Variants in OLFM2 observed in about 807,000 individuals in gnomAD.
OLFM2 encodes olfactomedin 2, also known as noelin-2.
In OLFM2, 20 loss-of-function variants were observed where a neutral mutation model predicts 43.9. That is an observed-to-expected ratio of 0.46 (90% confidence interval 0.32 to 0.66). OLFM2 has a LOEUF of 0.66. Ranked by LOEUF, OLFM2 falls within the 30% of genes least tolerant of loss-of-function variation. OLFM2 has a pLI of 0.04. For synonymous variants in OLFM2, 268 were observed against 278.6 expected (o/e 0.96, Z 0.38); for missense variants, 416 against 643.6 (o/e 0.65, Z 3.83).
At chr19:9,933,124 C>T (rs1290624692) in intron 1 of OLFM2, among the ~76,000 whole-genome samples, 1 of 152,212 alleles carries the variant, frequency 6.6e-6, no homozygotes, top group African/African-American at 2.4e-5. Context: ...GCTCTTCCCC[C>T]AGACACCCAC....
At chr19:9,890,012 G>T (rs375374302) in intron 1 of OLFM2, among the ~76,000 whole-genome samples, 23 of 152,046 alleles carry the variant, frequency 1.5e-4, no homozygotes, top group African/African-American at 5.5e-4. Flanking sequence ...AGAAGGAGGA[G>T]CCGGGAGGAG....
intron 1 of OLFM2, among the ~76,000 whole-genome samples, chr19:9,888,513 C>A (rs1247687553): frequency 1.1e-5 from 1 of 93,832 alleles, no homozygotes; most frequent in African/African-American, 4.0e-5. Flanking sequence ...GACAGTGAGA[C>A]CTTACCTCAA....
At chr19:9,907,488 T>C (rs1363990597) in intron 1 of OLFM2, among the ~76,000 whole-genome samples, 2 of 151,316 alleles carry the variant, frequency 1.3e-5, no homozygotes, top group Non-Finnish European at 1.5e-5. Flanking sequence ...AACAAACAAA[T>C]AAATAAATAA....
intron 1 of OLFM2, among the ~76,000 whole-genome samples, chr19:9,882,610 G>T (rs2046548783): frequency 6.6e-6 from 1 of 151,140 alleles, no homozygotes; most frequent in South Asian, 2.1e-4. Context: ...GTGTGTGAGT[G>T]GGGTAGGAAT....
At chr19:9,900,988 A>AAGGAAGGAAGGGAGGGAGGGAGGG (rs1401980050) in intron 1 of OLFM2, among the ~76,000 whole-genome samples, 3 of 28,400 alleles carry the variant, frequency 1.1e-4, no homozygotes, top group Non-Finnish European at 1.6e-4. Context: ...GGAAGGAAGG[A>AAGGAAGGAAGGGAGGGAGGGAGGG]AGGGAGGGAG....
Position 9,854,133 on chromosome 19 carries a change from G to A in OLFM2, c.*53C>T. ...TGAGGGACACAGGCAGAATGAAAAG[G>A]GCCCCCAGCCCCCAGAGGCCCCCCA... On this transcript the variant is annotated 3_prime_UTR_variant, in exon 6 of 6. Transcript: ENST00000264833. This position sits in a 1 kb window ranked among gnomAD's most constrained non-coding sequence, Gnocchi z 9.5. 2 of 1,547,872 alleles carry A rather than the reference G, an allele frequency of 1.3e-6. No individual in the cohort carries two copies. The highest frequency in any genetic ancestry group is 1.8e-6 in the Non-Finnish European group (2 of 1,124,136).
rs1267811357 is a variant in OLFM2 at position 9,853,885 on chromosome 19, G to C, written c.*301C>G. ...GGAGGGGTGGAAGGACAGAGAGAGA[G>C]AGACAGAGAGAGGCAGAGACGGAAA... On this transcript the variant is annotated 3_prime_UTR_variant, in exon 6 of 6. Transcript: ENST00000264833. 1 of 559,686 alleles carries C rather than the reference G, an allele frequency of 1.8e-6. No homozygotes were observed. Among genetic ancestry groups the C allele is most frequent in the Non-Finnish European group, 3.1e-6 (1 of 319,518 alleles). 34.7% of individuals were successfully genotyped at this position (559,686 alleles called of 1,614,324 possible).
chr19:9,913,154 C>A (rs1393225523), intron 1 of OLFM2, among the ~76,000 whole-genome samples: 1 of 152,170 alleles, frequency 6.6e-6, no homozygotes, highest in Non-Finnish European at 1.5e-5. Context: ...ATTCTGCAGC[C>A]CTTGTCGCCT....
rs993001952 is a variant in OLFM2 at position 9,854,264 on chromosome 19, G to A, written c.1287C>T (p.Leu429=). 38 of 1,614,080 alleles carry A rather than the reference G, an allele frequency of 2.4e-5. No individual in the cohort carries two copies. Among genetic ancestry groups the A allele is most frequent in the Non-Finnish European group, 3.1e-5 (36 of 1,180,056 alleles). Residue 429 remains leucine (L), a synonymous_variant, in exon 6 of 6, where the codon CTC becomes CTT. Coordinates refer to ENST00000264833, the MANE Select transcript of OLFM2 (RefSeq NM_058164.4). The surrounding 1 kb of genome is among the most constrained non-coding windows in gnomAD (Gnocchi z 9.5). ...MLDYNPRERA[L]YTWNNGHQVL... is the part of the protein sequence containing the mutation. ...CCTGGTGGCCGTTGTTCCAGGTATAGAGGGCGCGCTCCCGGGGGTTGTAAT... is the reference window on the plus strand; with the variant it reads ...CCTGGTGGCCGTTGTTCCAGGTATAAAGGGCGCGCTCCCGGGGGTTGTAAT...
At chr19:9,935,822 AC>A (rs2086511418) in intron 1 of OLFM2, among the ~76,000 whole-genome samples, 1 of 150,090 alleles carries the variant, frequency 6.7e-6, no homozygotes, top group Non-Finnish European at 1.5e-5. Context: ...TTTACCCTGC[AC>A]CCCCACAGCA....
chr19:9,860,846 G>A lies in OLFM2; in HGVS notation c.64-52C>T, dbSNP rs767848895. The A allele has an allele frequency of 9.7e-6, 15 of 1,545,734 alleles. No individual in the cohort carries two copies. In the Admixed American group the frequency reaches 1.1e-4, roughly 12 times the overall value. On this transcript the variant is annotated intron_variant, in intron 1 of 5. Transcript: ENST00000264833. ...GGAATCCCAGTGAGGGTCTCGCCTC[G>A]CCCTCACTGGGACAGGAAGGGGGCC...
intron 1 of OLFM2, among the ~76,000 whole-genome samples, chr19:9,910,903 G>C (rs2046822164): frequency 6.6e-6 from 1 of 152,152 alleles, no homozygotes; most frequent in African/African-American, 2.4e-5. Flanking sequence ...TGGATGGGTA[G>C]ATGAAATAAT....
At chr19:9,930,384 G>A (rs1388936282) in intron 1 of OLFM2, among the ~76,000 whole-genome samples, 1 of 151,648 alleles carries the variant, frequency 6.6e-6, no homozygotes, top group African/African-American at 2.4e-5. Flanking sequence ...TTTTTTGGGG[G>A]GCATACCCTT....
chr19:9,936,242 C>T, intron 1 of OLFM2, 62 bp downstream of exon 1: 1 of 1,501,432 alleles, frequency 6.7e-7, no homozygotes, highest in South Asian at 1.2e-5. Context: ...CTCCGGGAAC[C>T]CTCCGCGCCC....
chr19:9,859,961 G>T (rs1434972940), intron 2 of OLFM2, among the ~76,000 whole-genome samples: 1 of 152,098 alleles, frequency 6.6e-6, no homozygotes, highest in Admixed American at 6.5e-5. Context: ...GACTAATATG[G>T]TGAAACCCCA....
At chr19:9,909,810 T>C (rs977664264) in intron 1 of OLFM2, among the ~76,000 whole-genome samples, 1 of 152,186 alleles carries the variant, frequency 6.6e-6, no homozygotes, top group Non-Finnish European at 1.5e-5. Context: ...ACTTGAGAAA[T>C]GTTTATTCCA....
intron 1 of OLFM2, among the ~76,000 whole-genome samples, chr19:9,866,497 CTTTT>C (rs35368530): frequency 3.2e-5 from 4 of 125,586 alleles, no homozygotes; most frequent in African/African-American, 9.1e-5. Context: ...AGCCAACCCA[CTTTT>C]TTTTTTTTTT....
chr19:9,856,728 G>T lies in OLFM2; in HGVS notation c.687+79C>A. On this transcript the variant is annotated intron_variant, in intron 5 of 5. Transcript: ENST00000264833. This position sits in a 1 kb window ranked among gnomAD's most constrained non-coding sequence, Gnocchi z 4.0. The stretch of plus-strand genomic sequence containing the variant: ...GGGCTACAAGACAGTCACCAGTGTG[G>T]ACTCCCTAGGCACCTATGGGCAGTC... 1 of 1,150,396 alleles carries T rather than the reference G, an allele frequency of 8.7e-7. No individual in the cohort carries two copies. Among genetic ancestry groups the T allele is most frequent in the South Asian group, 1.3e-5 (1 of 74,844 alleles). 71.3% of individuals were successfully genotyped at this position (1,150,396 alleles called of 1,614,324 possible). A position where few individuals can be genotyped will look rare whatever the true frequency, so the allele number is the denominator to read the frequency against.
chr19:9,886,647 C>T (rs541396321), intron 1 of OLFM2, among the ~76,000 whole-genome samples: 13 of 152,320 alleles, frequency 8.5e-5, no homozygotes, highest in African/African-American at 2.9e-4. Context: ...CAGTCTGCCT[C>T]GTCCACATGT....
Sources: gnomAD v4.1 joint callset for allele counts (sites outside exome capture counted in the v4.1 genomes callset) on GRCh38, gnomAD v4.1.1 for gene constraint, Gnocchi (gnomAD v3.1) non-coding constraint, MANE v1.5 for transcripts, NCBI Gene and HGNC (gene_info 2026-07-23, HGNC 2026-07-21) for gene names.